The following RABGEF1 variants were observed in gnomAD, a reference collection of about 807,000 sequenced individuals.
RABGEF1 encodes rab5 GDP/GTP exchange factor.
Under a neutral mutation model 57.3 loss-of-function variants are expected in RABGEF1, and 26 were observed. The ratio of observed to expected loss-of-function variants is 0.45; its 90% CI spans 0.33 to 0.63. RABGEF1 has a LOEUF of 0.63. Ranked by LOEUF, RABGEF1 falls within the 20% of genes least tolerant of loss-of-function variation. RABGEF1 has a pLI of 0.02. For missense variants in RABGEF1, 464 were observed against 607.6 expected, an observed-to-expected ratio of 0.76 and a Z score of 2.48; for synonymous variants, 185 against 210.7, an observed-to-expected ratio of 0.88 and a Z score of 1.06.
At chr7:66,738,685 T>C (rs1202290165), upstream of RABGEF1, among the ~76,000 whole-genome samples, 4 of 147,408 alleles carry the variant, frequency 2.7e-5, no homozygotes, top group African/African-American at 7.4e-5. Context: ...TGCGCCGAGA[T>C]TGCACCACTG....
the RABGEF1 span, among the ~76,000 whole-genome samples, chr7:66,661,038 G>A: frequency 6.6e-6 from 1 of 152,068 alleles, no homozygotes; most frequent in Non-Finnish European, 1.5e-5. Context: ...AGCTGGGCGT[G>A]GTGGCCCATG....
At chr7:66,709,677 A>G (rs1311123193) in intron 1 of RABGEF1, among the ~76,000 whole-genome samples, 2 of 152,296 alleles carry the variant, frequency 1.3e-5, no homozygotes, top group South Asian at 4.2e-4. Context: ...CAGGAGCCTG[A>G]GGCAGGAGAA....
At chr7:66,724,145 CT>C (rs1398232991) in intron 2 of RABGEF1, among the ~76,000 whole-genome samples, 8 of 151,956 alleles carry the variant, frequency 5.3e-5, no homozygotes, top group East Asian at 1.9e-4. Flanking sequence ...AGGTTAACAG[CT>C]TTTTCCCCCC....
intron 2 of RABGEF1, among the ~76,000 whole-genome samples, chr7:66,729,441 C>T (rs796150057): frequency 0.012 from 3 of 248 alleles, no homozygotes; most frequent in South Asian, 0.056. Flanking sequence ...CGTCTATTCT[C>T]CTCTCCAACC....
chr7:66,809,153 G>A lies in RABGEF1; in HGVS notation c.1345G>A (p.Val449Ile), dbSNP rs747119647. 1 of 1,614,088 alleles carries A rather than the reference G, an allele frequency of 6.2e-7. No homozygotes were observed. Among genetic ancestry groups the A allele is most frequent in the African/African-American group, 1.3e-5 (1 of 74,932 alleles). ...IDWTDGIAREVQDIVEKYPLE... is the reference protein window; with the variant it reads ...IDWTDGIAREIQDIVEKYPLE... ...TTGGACAGATGGAATTGCAAGAGAA[G>A]TTCAAGACATCGTTGAGAAATACCC... Residue 449 changes from valine to isoleucine, a missense_variant, in exon 9 of 9, where the codon GTT becomes ATT. Transcript: ENST00000284957.
intron 1 of RABGEF1, among the ~76,000 whole-genome samples, chr7:66,684,600 T>A (rs1790312895): frequency 6.6e-6 from 1 of 152,140 alleles, no homozygotes; most frequent in African/African-American, 2.4e-5. Flanking sequence ...GAACACAGGC[T>A]TCCCACCTAG....
At chr7:66,686,666 A>G (rs1232659459) in intron 1 of RABGEF1, among the ~76,000 whole-genome samples, 1 of 152,102 alleles carries the variant, frequency 6.6e-6, no homozygotes, top group African/African-American at 2.4e-5. Context: ...ACTTATGTTT[A>G]TTTGTTTGAT....
intron 1 of RABGEF1, among the ~76,000 whole-genome samples, chr7:66,708,275 G>GTT (rs1014568736): frequency 1.4e-5 from 2 of 143,608 alleles, no homozygotes; most frequent in Non-Finnish European, 3.1e-5. Flanking sequence ...TGTAGTTTGG[G>GTT]TTTTTTTTTT....
At chr7:66,706,778 GTTTTTT>G (rs199965735) in intron 1 of RABGEF1, among the ~76,000 whole-genome samples, 1 of 120,696 alleles carries the variant, frequency 8.3e-6, no homozygotes. Context: ...TGACATACTG[GTTTTTT>G]TTTTTTTTTT....
intron 1 of RABGEF1, among the ~76,000 whole-genome samples, chr7:66,746,493 A>G (rs1393273577): frequency 1.3e-5 from 2 of 150,350 alleles, no homozygotes; most frequent in East Asian, 4.0e-4. Flanking sequence ...GTTTCACCAT[A>G]TTGGCCAGGC....
intron 4 of RABGEF1, among the ~76,000 whole-genome samples, chr7:66,787,543 C>G (rs1033680020): frequency 6.6e-6 from 1 of 152,004 alleles, no homozygotes; most frequent in African/African-American, 2.4e-5. Flanking sequence ...TGGGGTGTTA[C>G]TCTGTTAGCC....
the RABGEF1 span, among the ~76,000 whole-genome samples, chr7:66,665,916 C>T: frequency 6.6e-5 from 10 of 152,138 alleles, no homozygotes; most frequent in East Asian, 1.9e-4. Flanking sequence ...GATGTTAGAA[C>T]GGAGGGACTG....
intron 1 of RABGEF1, among the ~76,000 whole-genome samples, chr7:66,763,170 C>T (rs757427288): frequency 3.3e-5 from 5 of 152,116 alleles, no homozygotes; most frequent in Non-Finnish European, 5.9e-5. Context: ...GTCCACAGCA[C>T]TCATTTATTA....
chr7:66,721,310 C>CT (rs1562735480), intron 2 of RABGEF1, among the ~76,000 whole-genome samples: 1 of 152,212 alleles, frequency 6.6e-6, no homozygotes, highest in African/African-American at 2.4e-5. Context: ...TACTGCTACT[C>CT]TAACATATGC....
At chr7:66,723,107 T>C (rs1313466855) in intron 2 of RABGEF1, among the ~76,000 whole-genome samples, 1 of 152,132 alleles carries the variant, frequency 6.6e-6, no homozygotes, top group Non-Finnish European at 1.5e-5. Context: ...TAGCTGGGAT[T>C]AGAGGCAAGC....
At chr7:66,665,191 C>T in the RABGEF1 span, 1 of 152,124 alleles carries the variant, frequency 6.6e-6, no homozygotes, top group East Asian at 1.9e-4. Flanking sequence ...GTCACCCAGA[C>T]TGGAGTGTAG....
intron 1 of RABGEF1, among the ~76,000 whole-genome samples, chr7:66,741,007 A>C (rs1219593381): frequency 6.6e-6 from 1 of 152,024 alleles, no homozygotes; most frequent in Non-Finnish European, 1.5e-5. Flanking sequence ...CGGCTCCCTT[A>C]ATCCTCAGAG....
intron 2 of RABGEF1, among the ~76,000 whole-genome samples, chr7:66,728,443 G>A (rs1392702154): frequency 2.6e-5 from 4 of 152,222 alleles, no homozygotes; most frequent in South Asian, 2.1e-4. Flanking sequence ...CTATTCTCAG[G>A]AAGTTGCCTC....
chr7:66,793,442 G>A (rs1327722248), intron 4 of RABGEF1, among the ~76,000 whole-genome samples: 3 of 152,182 alleles, frequency 2.0e-5, no homozygotes, highest in Non-Finnish European at 4.4e-5. Context: ...GTGGTGTCAT[G>A]TCGACACTGA....
Sources: allele counts gnomAD v4.1 joint callset (sites outside exome capture counted in the v4.1 genomes callset), GRCh38; gene constraint gnomAD v4.1.1; transcripts MANE v1.5; gene names NCBI Gene and HGNC (gene_info 2026-07-23, HGNC 2026-07-21).